The following TENT5D variants were observed in gnomAD, a reference collection of about 807,000 sequenced individuals.
The protein encoded by TENT5D is cancer/testis antigen 112.
For missense variants in TENT5D, 191 were observed against 287.0 expected (o/e 0.67, Z 2.42); for synonymous variants, 103 against 100.6 (o/e 1.02, Z -0.15).
intron 3 of TENT5D, among the ~76,000 whole-genome samples, chrX:80,393,023 A>G (rs992369092): frequency 9.1e-6 from 1 of 110,384 alleles, no homozygotes; most frequent in African/African-American, 3.3e-5. Flanking sequence ...AGCTACAACA[A>G]CCTCTGTGTG....
rs186307280 is a variant in TENT5D at position 80,399,535 on chromosome X, G to A, written c.-141-39075G>A. ...TGTAGTGGGTTTTGGACATAAGCCCGATAGACACAATCTGAATGCCATAAT... is the reference window on the plus strand; with the variant it reads ...TGTAGTGGGTTTTGGACATAAGCCCAATAGACACAATCTGAATGCCATAAT... On this transcript the variant is annotated intron_variant, in intron 3 of 4. Coordinates refer to the TENT5D transcript ENST00000538312. 2.5e-3 allele frequency among the ~76,000 whole-genome samples: 279 copies of A among 111,699 alleles called. 1 individual carries two copies. Among genetic ancestry groups the A allele is most frequent in the African/African-American group, 7.7e-3 (236 of 30,769 alleles).
chrX:80,426,365 A>T (rs928951847), intron 1 of TENT5D, among the ~76,000 whole-genome samples: 2 of 111,874 alleles, frequency 1.8e-5, no homozygotes, highest in Admixed American at 9.5e-5. Flanking sequence ...AATCCTGTTC[A>T]AGAGAGAAAG....
chrX:80,342,694 A>C (rs1302806915), intron 3 of TENT5D: 1 of 112,002 alleles, frequency 8.9e-6, no homozygotes. Context: ...TAGCTTTTAG[A>C]CAACCCATAA....
At chrX:80,384,995 C>T (rs1346243395) in intron 3 of TENT5D, among the ~76,000 whole-genome samples, 2 of 111,385 alleles carry the variant, frequency 1.8e-5, no homozygotes, top group Non-Finnish European at 3.8e-5. Context: ...GGCCATACTG[C>T]CCAAGGTAAT....
At chrX:80,362,084 T>A (rs931131178) in intron 3 of TENT5D, among the ~76,000 whole-genome samples, 3 of 111,953 alleles carry the variant, frequency 2.7e-5, no homozygotes, top group Non-Finnish European at 5.6e-5. Flanking sequence ...TATGTGCTAT[T>A]TGGTTTTCTG....
At chrX:80,396,485 A>G (rs1485847557) in intron 3 of TENT5D, among the ~76,000 whole-genome samples, 1 of 109,969 alleles carries the variant, frequency 9.1e-6, no homozygotes, top group Non-Finnish European at 1.9e-5. Context: ...CTTAACGAGC[A>G]TGCTGCCTTC....
intron 3 of TENT5D, among the ~76,000 whole-genome samples, chrX:80,358,990 T>G (rs190377912): frequency 1.1e-4 from 12 of 111,602 alleles, no homozygotes; most frequent in Non-Finnish European, 2.1e-4. Context: ...AAGTAAAGAT[T>G]AATACCTGTT....
chrX:80,336,545 A>G (rs1486178826), intron 2 of TENT5D, among the ~76,000 whole-genome samples: 1 of 109,631 alleles, frequency 9.1e-6, no homozygotes, highest in African/African-American at 3.3e-5. Context: ...CAGTTTCTAT[A>G]CTAGATAAAC....
At chrX:80,364,043 T>C (rs957142147) in intron 3 of TENT5D, among the ~76,000 whole-genome samples, 1 of 112,425 alleles carries the variant, frequency 8.9e-6, no homozygotes, top group African/African-American at 3.2e-5. Context: ...ATTAGGTCTC[T>C]AGAACTTATT....
intron 2 of TENT5D, among the ~76,000 whole-genome samples, chrX:80,340,194 C>T (rs191121182): frequency 9.1e-6 from 1 of 110,139 alleles, no homozygotes; most frequent in Non-Finnish European, 1.9e-5. Flanking sequence ...TTCCTTATCT[C>T]TATGATTTTA....
At chrX:80,427,111 T>C (rs910842825) in intron 1 of TENT5D, among the ~76,000 whole-genome samples, 5 of 111,897 alleles carry the variant, frequency 4.5e-5, no homozygotes, top group Non-Finnish European at 9.4e-5. Flanking sequence ...TTCTTCTCAA[T>C]CTCAGGTATG....
intron 3 of TENT5D, among the ~76,000 whole-genome samples, chrX:80,378,941 T>C (rs7054242): frequency 0.096 from 10,465 of 109,095 alleles, 518 homozygotes; most frequent in African/African-American, 0.18. Flanking sequence ...CCCAGTCTTA[T>C]GTCAGTTTTC....
chrX:80,341,617 G>A (rs1194613922), intron 2 of TENT5D, among the ~76,000 whole-genome samples: 1 of 111,621 alleles, frequency 9.0e-6, no homozygotes, highest in Non-Finnish European at 1.9e-5. Flanking sequence ...TCTGATCTAG[G>A]TTGGTAGTAT....
chrX:80,416,847 A>G (rs968081869), upstream of TENT5D, among the ~76,000 whole-genome samples: 1 of 111,159 alleles, frequency 9.0e-6, no homozygotes, highest in Non-Finnish European at 1.9e-5. Context: ...CAGGTCCTGA[A>G]TAACTTTGTT....
chrX:80,410,315 A>T lies in TENT5D; in HGVS notation c.-141-28295A>T, dbSNP rs1299378185. On this transcript the variant is annotated intron_variant, in intron 3 of 4. Transcript: ENST00000538312. ...ATCAGAGTGAACAGGCAACCTACAA[A>T]ATGGGAGAAAATTTTCACAACCTAC... Among the ~76,000 whole-genome samples, 57 of 93,871 alleles carry T rather than the reference A, an allele frequency of 6.1e-4. No individual in the cohort carries two copies. The Middle Eastern group carries it at 0.016, about 27-fold the overall frequency. The allele number at this position is 93,871 out of a possible 115,157, so 81.5% of individuals were successfully genotyped here.
At chrX:80,350,130 T>C (rs963573966) in intron 3 of TENT5D, among the ~76,000 whole-genome samples, 4 of 111,720 alleles carry the variant, frequency 3.6e-5, no homozygotes, top group African/African-American at 1.3e-4. Flanking sequence ...TCTGTTGATT[T>C]GGGGTGGAGA....
chrX:80,390,108 G>T (rs1293247703), intron 3 of TENT5D, among the ~76,000 whole-genome samples: 3 of 111,508 alleles, frequency 2.7e-5, no homozygotes, highest in South Asian at 3.7e-4. Context: ...AGCATAGATA[G>T]CCATGAATGA....
intron 3 of TENT5D, among the ~76,000 whole-genome samples, chrX:80,404,854 A>G (rs1242054450): frequency 1.8e-5 from 2 of 112,255 alleles, no homozygotes; most frequent in African/African-American, 6.5e-5. Flanking sequence ...CTTAATTTAA[A>G]GAATTTTTAT....
At chrX:80,408,983 G>A (rs1456698453) in intron 3 of TENT5D, among the ~76,000 whole-genome samples, 3 of 110,851 alleles carry the variant, frequency 2.7e-5, no homozygotes, top group African/African-American at 6.6e-5. Context: ...TATAAACAGA[G>A]CCAAAGACAA....
Sources: allele counts gnomAD v4.1 joint callset (sites outside exome capture counted in the v4.1 genomes callset), GRCh38; gene constraint gnomAD v4.1.1; transcripts MANE v1.5; gene names NCBI Gene and HGNC (gene_info 2026-07-23, HGNC 2026-07-21).